SMARCAL1: variants seen among roughly 807,000 people sequenced by gnomAD.
SMARCAL1 encodes ATP-driven annealing helicase.
A neutral mutation model predicts 94.5 loss-of-function variants in SMARCAL1; 58 were observed. The observed-to-expected ratio is 0.61, with a 90% CI of 0.50 to 0.76. SMARCAL1 has a LOEUF of 0.76. SMARCAL1 is among the 30% of genes least tolerant of loss of function. SMARCAL1 has a pLI of 0.00. For missense variants in SMARCAL1, 1,051 were observed against 1,177.9 expected (o/e 0.89, Z 1.58); for synonymous variants, 422 against 455.1 (o/e 0.93, Z 0.93).
chr2:216,430,734 G>C (rs1285763348), intron 7 of SMARCAL1, among the ~76,000 whole-genome samples: 1 of 152,236 alleles, frequency 6.6e-6, no homozygotes, highest in Admixed American at 6.5e-5. Context: ...GGAAATTATA[G>C]ATGGTAAAGC....
In SMARCAL1 at chr2:216,474,400, A is replaced by C. The variant is rs1294905411; in HGVS notation, c.2245-869A>C. Reference sequence around the variant, plus strand: ...GGTGATCTACCTGCCTTGGCCTCCCAGAGTGTTGGGATTACAGGCATGAGC... The same window carrying C: ...GGTGATCTACCTGCCTTGGCCTCCCCGAGTGTTGGGATTACAGGCATGAGC... On this transcript the variant is annotated intron_variant, in intron 14 of 17. Coordinates refer to ENST00000357276, the MANE Select transcript of SMARCAL1 (RefSeq NM_014140.4). Among the ~76,000 whole-genome samples the C allele has an allele frequency of 3.7e-4, 53 of 142,156 alleles. 1 individual carries two copies. Among genetic ancestry groups the C allele is most frequent in the African/African-American group, 1.2e-3 (48 of 38,822 alleles). The allele number at this position is 142,156 out of a possible 152,430, so 93.3% of individuals were successfully genotyped here. A position where few individuals can be genotyped will look rare whatever the true frequency, so the allele number is the denominator to read the frequency against.
Position 216,450,975 on chromosome 2 carries a change from A to G in SMARCAL1, c.1981A>G (p.Ile661Val). ...LSQLPAKQRK[I>V]VVIAPGRINA... ...CCAGCTGCCTGCCAAGCAGCGCAAG[A>G]TAGTGGTGATTGCCCCAGGACGGAT... Residue 661 changes from isoleucine (I) to valine (V), a missense_variant, in exon 12 of 18, where the codon ATA becomes GTA. Ile to Val is a conservative substitution (Grantham distance 29). Coordinates refer to ENST00000357276, the MANE Select transcript of SMARCAL1 (RefSeq NM_014140.4). 7 of 1,614,218 alleles carry G rather than the reference A, an allele frequency of 4.3e-6. No homozygotes were observed. The highest frequency in any genetic ancestry group is 5.9e-6 in the Non-Finnish European group (7 of 1,180,026).
In SMARCAL1 at chr2:216,435,280, A is replaced by C. The variant is rs541606963; in HGVS notation, c.1486-58A>C. 7.5e-6 allele frequency: 12 copies of C among 1,591,322 alleles called. No homozygotes were observed. The East Asian group carries it at 2.7e-4, about 36-fold the overall frequency. On this transcript the variant is annotated intron_variant, in intron 8 of 17. Transcript: ENST00000357276. ...TGGGCATGAGACTGCTGCTGTCACA[A>C]CCAACAGCTGCTGTGCTGGGTGGTC...
At position 216,470,520 on chromosome 2, in the gene SMARCAL1, C is replaced by G. The variant is rs185839938; in HGVS notation, c.2244+2474C>G. 7.3e-4 allele frequency among the ~76,000 whole-genome samples: 110 copies of G among 150,336 alleles called. 1 individual carries two copies. Among genetic ancestry groups the G allele is most frequent in the African/African-American group, 2.6e-3 (105 of 40,882 alleles). On this transcript the variant is annotated intron_variant, in intron 14 of 17. Coordinates refer to ENST00000357276, the MANE Select transcript of SMARCAL1 (RefSeq NM_014140.4). ...TTTTTTTTTTTGAAGCAGAGTCTCA[C>G]TGTATCTCCCACACTGGAGTTCAGT...
At chr2:216,420,208 C>T (rs1475716198) in intron 4 of SMARCAL1, 91 bp from the exon 5 acceptor site, 2 of 1,027,246 alleles carry the variant, frequency 1.9e-6, no homozygotes, top group Non-Finnish European at 1.5e-6. Flanking sequence ...ATGTCCCTTC[C>T]CCACTTTCTC....
At chr2:216,461,054 AGGTGT>A (rs1161827076) in intron 12 of SMARCAL1, among the ~76,000 whole-genome samples, 7 of 106,942 alleles carry the variant, frequency 6.5e-5, no homozygotes, top group African/African-American at 2.4e-4. Context: ...AACTAGAAAG[AGGTGT>A]GTGTGTGTGT....
intron 13 of SMARCAL1, among the ~76,000 whole-genome samples, chr2:216,465,978 C>T (rs1333201643): frequency 6.6e-6 from 1 of 152,116 alleles, no homozygotes; most frequent in African/African-American, 2.4e-5. Context: ...TGGGCACTGC[C>T]CTTTTCATTT....
At chr2:216,414,609 T>C (rs57403220) in intron 2 of SMARCAL1, 38 bp from the exon 3 acceptor site, 3 of 1,039,548 alleles carry the variant, frequency 2.9e-6, no homozygotes, top group South Asian at 1.3e-5. Context: ...AATTAATACA[T>C]GTAATGTTCA....
At chr2:216,420,220 C>T in intron 4 of SMARCAL1, 79 bp from the exon 5 acceptor site, 2 of 1,187,602 alleles carry the variant, frequency 1.7e-6, no homozygotes, top group Non-Finnish European at 2.4e-6. Flanking sequence ...CACTTTCTCC[C>T]TCTTCCCTTG....
Position 216,451,018 on chromosome 2 carries a change from C to T in SMARCAL1, c.2024C>T (p.Ala675Val), listed in dbSNP as rs763521259. Reference sequence around the variant, plus strand: ...GGACGGATCAATGCCAGGACCAGAGCTGCCCTGGATGCTGCAGCCAAGGAA... The same window carrying T: ...GGACGGATCAATGCCAGGACCAGAGTTGCCCTGGATGCTGCAGCCAAGGAA... ...APGRINARTR[A>V]ALDAAAKEMT... is the part of the protein sequence containing the mutation. Residue 675 changes from alanine to valine, a missense_variant, in exon 12 of 18, where the codon GCT becomes GTT. Physicochemically the swap from Ala to Val is moderately conservative, Grantham distance 64 (BLOSUM62 0). This residue lies in a region of SMARCAL1 where 642 missense variants were observed against 754.7 expected (regional missense o/e 0.85). Coordinates refer to ENST00000357276, the MANE Select transcript of SMARCAL1 (RefSeq NM_014140.4). 6.2e-7 allele frequency: 1 copy of T among 1,614,198 alleles called. No homozygotes were observed. Among genetic ancestry groups the T allele is most frequent in the South Asian group, 1.1e-5 (1 of 91,084 alleles).
At position 216,418,309 on chromosome 2, in the gene SMARCAL1, G is replaced by A. The variant is rs111735996; in HGVS notation, c.863-1990G>A. Among the ~76,000 whole-genome samples, 341 of 152,258 alleles carry A rather than the reference G, an allele frequency of 2.2e-3. 1 individual carries two copies. Among genetic ancestry groups the A allele is most frequent in the Non-Finnish European group, 4.2e-3 (286 of 67,992 alleles). On this transcript the variant is annotated intron_variant, in intron 4 of 17. Coordinates refer to ENST00000357276, the MANE Select transcript of SMARCAL1 (RefSeq NM_014140.4). ...TATATACTTCTCAATGAAGCTCATA[G>A]AAGAGAAAAAAAATTCTCCATATAG...
intron 10 of SMARCAL1, among the ~76,000 whole-genome samples, chr2:216,442,873 C>T (rs541643319): frequency 6.6e-6 from 1 of 152,222 alleles, no homozygotes; most frequent in African/African-American, 2.4e-5. Context: ...CCCTGTGTGT[C>T]TGAGATGGCT....
At chr2:216,446,872 C>T in intron 10 of SMARCAL1, 146 bp from the exon 11 acceptor site, 1 of 830,786 alleles carries the variant, frequency 1.2e-6, no homozygotes, top group South Asian at 1.4e-5. Context: ...CATCTAACTG[C>T]TTGCATTGGC....
At position 216,428,777 on chromosome 2, in the gene SMARCAL1, A is replaced by C. The variant is rs761091116; in HGVS notation, c.1329A>C (p.Gly443=). Residue 443 remains glycine (G), a synonymous_variant, in exon 7 of 18, where the codon GGA becomes GGC. Transcript: ENST00000357276. ...VSNLMPFQRA[G]VNFAIAKGGR... is the part of the protein sequence containing the mutation. ...ATCTGATGCCCTTTCAGAGAGCTGG[A>C]GTCAAGTAGGTTCTTGATCTTCCTC... 1 of 1,614,042 alleles carries C rather than the reference A, an allele frequency of 6.2e-7. No homozygotes were observed. The highest frequency in any genetic ancestry group is 8.5e-7 in the Non-Finnish European group (1 of 1,179,910).
chr2:216,448,957 G>T (rs1694380899), intron 11 of SMARCAL1, among the ~76,000 whole-genome samples: 1 of 152,196 alleles, frequency 6.6e-6, no homozygotes, highest in African/African-American at 2.4e-5. Flanking sequence ...TCTGTTTTCT[G>T]TTGCTGTAAC....
intron 5 of SMARCAL1, among the ~76,000 whole-genome samples, chr2:216,421,422 C>T (rs767890516): frequency 2.6e-5 from 4 of 152,108 alleles, no homozygotes; most frequent in Non-Finnish European, 5.9e-5. Context: ...CTCAGCCTCC[C>T]GAGTAGCAGG....
chr2:216,464,982 CA>C (rs1028856730), intron 13 of SMARCAL1, among the ~76,000 whole-genome samples: 2 of 152,082 alleles, frequency 1.3e-5, no homozygotes, highest in South Asian at 4.2e-4. Flanking sequence ...CCCATTTATA[CA>C]AAAAATGAAC....
At position 216,475,357 on chromosome 2, in the gene SMARCAL1, C is replaced by A. The variant is rs770954000; in HGVS notation, c.2333C>A (p.Ala778Asp). Residue 778 changes from alanine to aspartate, a missense_variant, in exon 15 of 18, where the codon GCT becomes GAT. Around this residue, in one of 3 missense-constraint regions of SMARCAL1, gnomAD observed 642 missense variants for 754.7 expected, o/e 0.85. Coordinates refer to ENST00000357276, the MANE Select transcript of SMARCAL1 (RefSeq NM_014140.4). The surrounding 1 kb of genome is among the most constrained non-coding windows in gnomAD (Gnocchi z 4.4). ...CQQFQLSERH[A>D]VAVLSITAAN... ...CAGTTCCAACTGTCGGAGAGGCATG[C>A]TGTGGCCGTGCTGTCCATCACCGCT... 5.0e-6 allele frequency: 8 copies of A among 1,614,232 alleles called. No individual in the cohort carries two copies. Among genetic ancestry groups the A allele is most frequent in the South Asian group, 1.1e-5 (1 of 91,082 alleles).
Position 216,414,858 on chromosome 2 carries a change from G to C in SMARCAL1, c.154G>C (p.Gly52Arg), listed in dbSNP as rs768891693. The C allele has an allele frequency of 6.2e-7, 1 of 1,614,036 alleles. No individual in the cohort carries two copies. The highest frequency in any genetic ancestry group is 1.3e-5 in the African/African-American group (1 of 74,900). The change falls in exon 3 of 18, where the codon GGC becomes CGC. Residue 52 changes from glycine to arginine, a missense_variant. This residue lies in a region of SMARCAL1 where 398 missense variants were observed against 395.2 expected (regional missense o/e 1.01). Coordinates refer to ENST00000357276, the MANE Select transcript of SMARCAL1 (RefSeq NM_014140.4). Reference sequence around the variant, plus strand: ...TGGCAACCCATTCCAGGCCAAGCAAGGCCCATCCCAAAATTTCCCAAGGGA... The same window carrying C: ...TGGCAACCCATTCCAGGCCAAGCAACGCCCATCCCAAAATTTCCCAAGGGA... ...IAGNPFQAKQ[G>R]PSQNFPRESC...
Sources: allele counts gnomAD v4.1 joint callset (sites outside exome capture counted in the v4.1 genomes callset), GRCh38; gene constraint gnomAD v4.1.1; regional missense constraint gnomAD v4.1.1; non-coding constraint Gnocchi (gnomAD v3.1); transcripts MANE v1.5; gene names NCBI Gene and HGNC (gene_info 2026-07-23, HGNC 2026-07-21).